The following DNAJB1 variants were observed in gnomAD, a reference collection of about 807,000 sequenced individuals.
DNAJB1 encodes DnaJ heat shock protein family (Hsp40) member B1.
Under a neutral mutation model 24.0 loss-of-function variants are expected in DNAJB1, and 14 were observed. That is an observed-to-expected ratio of 0.58 (90% CI 0.39 to 0.91). DNAJB1 has a LOEUF of 0.91. DNAJB1 is among the 40% of genes least tolerant of loss of function. The pLI is 0.00. For missense variants in DNAJB1, 517 were observed against 458.1 expected, an observed-to-expected ratio of 1.13 and a Z score of -1.17; for synonymous variants, 262 against 174.4, an observed-to-expected ratio of 1.50 and a Z score of -3.96.
chr19:14,535,918 G>T (rs966522812), intron 1 of DNAJB1, among the ~76,000 whole-genome samples: 1 of 151,946 alleles, frequency 6.6e-6, no homozygotes, highest in African/African-American at 2.4e-5. Flanking sequence ...TTGAGCAGAT[G>T]GTGACTCACT....
intron 1 of DNAJB1, among the ~76,000 whole-genome samples, chr19:14,557,906 C>T (rs1457893423): frequency 6.6e-6 from 1 of 152,098 alleles, no homozygotes; most frequent in Non-Finnish European, 1.5e-5. Flanking sequence ...CAGGCACCCA[C>T]CACCGCACCC....
chr19:14,529,807 C>T (rs2072549479), upstream of DNAJB1: 2 of 1,574,938 alleles, frequency 1.3e-6, no homozygotes, highest in East Asian at 2.3e-5. Context: ...GTCCTGTGCC[C>T]CGAAGGAAGA....
intron 1 of DNAJB1, among the ~76,000 whole-genome samples, chr19:14,537,436 A>C (rs1254551317): frequency 4.4e-5 from 6 of 135,490 alleles, no homozygotes; most frequent in Admixed American, 3.6e-4. Flanking sequence ...TTCTGGACTA[A>C]CTGGTTCCTG....
intron 1 of DNAJB1, 144 bp downstream of exon 1, chr19:14,517,995 G>T: frequency 1.1e-6 from 1 of 898,036 alleles, no homozygotes; most frequent in Non-Finnish European, 1.5e-6. Context: ...ATCCGAGGGC[G>T]GAGGCCCGCG....
chr19:14,557,144 T>A (rs556718717), intron 1 of DNAJB1, among the ~76,000 whole-genome samples: 28 of 150,858 alleles, frequency 1.9e-4, no homozygotes, highest in African/African-American at 6.4e-4. Context: ...TTTATTTATT[T>A]ATTTATTTAT....
chr19:14,555,056 C>T (rs376924177), upstream of DNAJB1, among the ~76,000 whole-genome samples: 81 of 151,302 alleles, frequency 5.4e-4, 2 homozygotes, highest in African/African-American at 1.8e-3. Context: ...GGATTACAGG[C>T]GTGAGCCACT....
At chr19:14,524,845 C>CAAAAATAAAAAAA (rs2072400956) in intron 2 of DNAJB1, among the ~76,000 whole-genome samples, 1 of 112,200 alleles carries the variant, frequency 8.9e-6, no homozygotes, top group Non-Finnish European at 1.7e-5. Flanking sequence ...GACTCGTTCT[C>CAAAAATAAAAAAA]AAAAAAAAAA....
At chr19:14,558,286 C>A (rs1317281872) in intron 1 of DNAJB1, among the ~76,000 whole-genome samples, 1 of 152,110 alleles carries the variant, frequency 6.6e-6, no homozygotes, top group Non-Finnish European at 1.5e-5. Context: ...CAACGAGAGC[C>A]CCCCTTTTCA....
At chr19:14,538,667 G>A (rs1472238564) in intron 1 of DNAJB1, among the ~76,000 whole-genome samples, 3 of 151,624 alleles carry the variant, frequency 2.0e-5, no homozygotes, top group African/African-American at 7.3e-5. Flanking sequence ...CGAGTAGCTG[G>A]GATTACAGGC....
intron 1 of DNAJB1, among the ~76,000 whole-genome samples, chr19:14,543,698 A>T (rs2073207038): frequency 6.7e-6 from 1 of 149,716 alleles, no homozygotes; most frequent in African/African-American, 2.5e-5. Context: ...TCGGCCTCCC[A>T]AAGTGCTGGG....
At chr19:14,521,113 C>T (rs1257018175), upstream of DNAJB1, among the ~76,000 whole-genome samples, 1 of 152,112 alleles carries the variant, frequency 6.6e-6, no homozygotes, top group Non-Finnish European at 1.5e-5. Context: ...GTGCAGCAGC[C>T]TCCAAAGGCT....
intron 1 of DNAJB1, among the ~76,000 whole-genome samples, chr19:14,548,694 C>CA (rs2146595349): frequency 6.6e-6 from 1 of 152,264 alleles, no homozygotes; most frequent in African/African-American, 2.4e-5. Flanking sequence ...TCTCCTGTCT[C>CA]AGCCTCCCAA....
At chr19:14,559,244 C>CGTGCATCATT (rs1178926277) in intron 1 of DNAJB1, among the ~76,000 whole-genome samples, 3 of 152,122 alleles carry the variant, frequency 2.0e-5, no homozygotes, top group African/African-American at 7.2e-5. Context: ...ATTGAGTGCA[C>CGTGCATCATT]GTGCATCATT....
intron 1 of DNAJB1, among the ~76,000 whole-genome samples, chr19:14,536,284 T>G (rs1415627628): frequency 1.4e-5 from 2 of 139,826 alleles, no homozygotes; most frequent in East Asian, 4.1e-4. Context: ...TTTTTTTTTT[T>G]CGTGAGACAG....
At chr19:14,529,831 G>GGCGCAGTGGGCAAGCGTT (rs1201868041), upstream of DNAJB1, 28 of 1,408,676 alleles carry the variant, frequency 2.0e-5, no homozygotes, top group Non-Finnish European at 2.5e-5. Flanking sequence ...AGACGGCGCA[G>GGCGCAGTGGGCAAGCGTT]GCGCAGTGGG....
chr19:14,527,207 G>C (rs1313375118), intron 2 of DNAJB1, among the ~76,000 whole-genome samples: 2 of 64,360 alleles, frequency 3.1e-5, no homozygotes, highest in African/African-American at 1.3e-4. Flanking sequence ...TTGAGACGGA[G>C]TTTCATTCTT....
rs138132855 is a variant in DNAJB1, at chr19:14,557,825, G to A, written c.-2166+2206C>T. ...GGCTGGAGTGCAGTGGCGCGATCTC[G>A]GTTCACTGCAAGCTCTGCCTCCCGG... On this transcript the variant is annotated intron_variant, in intron 1 of 5. Coordinates refer to the DNAJB1 transcript ENST00000679223. 2.8e-3 allele frequency among the ~76,000 whole-genome samples: 424 copies of A among 150,342 alleles called. 2 individuals carry two copies. The highest frequency in any genetic ancestry group is 3.5e-3 in the Non-Finnish European group (236 of 67,636).
intron 1 of DNAJB1, among the ~76,000 whole-genome samples, chr19:14,558,993 G>A (rs970438255): frequency 1.3e-5 from 2 of 152,200 alleles, no homozygotes; most frequent in Admixed American, 1.3e-4. Context: ...GTGTGTGTGT[G>A]TGGCAGGCAC....
upstream of DNAJB1, among the ~76,000 whole-genome samples, chr19:14,522,693 C>G (rs866920442): frequency 0.021 from 2,896 of 139,178 alleles, 83 homozygotes; most frequent in African/African-American, 0.054. Flanking sequence ...GACACACACA[C>G]ACACACACAC....
Sources: allele counts gnomAD v4.1 joint callset (sites outside exome capture counted in the v4.1 genomes callset), GRCh38; gene constraint gnomAD v4.1.1; transcripts MANE v1.5; gene names NCBI Gene and HGNC (gene_info 2026-07-23, HGNC 2026-07-21).